SLC2A5: variants seen among roughly 807,000 people sequenced by gnomAD.
SLC2A5 encodes solute carrier family 2, facilitated glucose transporter member 5.
In SLC2A5, 56 loss-of-function variants were observed where a neutral mutation model predicts 50.3. The ratio of observed to expected loss-of-function variants is 1.11; its 90% CI spans 0.90 to 1.39. The LOEUF (loss-of-function observed/expected upper bound fraction) is 1.39, where lower values mean the gene tolerates loss of function less well. Ranked by LOEUF, SLC2A5 falls within the 40% of genes most tolerant of loss-of-function variation. SLC2A5 has a pLI of 0.00. For missense variants in SLC2A5, 566 were observed against 650.1 expected, an observed-to-expected ratio of 0.87 and a Z score of 1.41; for synonymous variants, 269 against 281.9, an observed-to-expected ratio of 0.95 and a Z score of 0.46.
chr1:9,086,508 C>T (rs1051943859), intron 1 of SLC2A5, among the ~76,000 whole-genome samples: 1 of 152,000 alleles, frequency 6.6e-6, no homozygotes, highest in Non-Finnish European at 1.5e-5. Context: ...CCTACCTCAG[C>T]CTCCTGAGCA....
Position 9,039,854 on chromosome 1 carries a change from C to T in SLC2A5, c.831G>A (p.Gln277=). 1 of 1,611,080 alleles carries T rather than the reference C, an allele frequency of 6.2e-7. No individual in the cohort carries two copies. Among genetic ancestry groups the T allele is most frequent in the South Asian group, 1.1e-5 (1 of 90,888 alleles). Residue 277 remains glutamine, a synonymous_variant, in exon 7 of 12, where the codon CAG becomes CAA. Transcript: ENST00000377424. The part of the protein sequence containing the change: ...KLFRMRSLRW[Q]LLSIIVLMGG... ...CCATGAGGACGATGATGGACAGCAG[C>T]TGCCAGCGCAGCGAGCGCATCCGGA...
At chr1:9,092,804 C>T (rs1642472675), upstream of SLC2A5, among the ~76,000 whole-genome samples, 1 of 152,116 alleles carries the variant, frequency 6.6e-6, no homozygotes. Context: ...CTACAAATCA[C>T]CTGGAAGCTA....
chr1:9,049,877 C>G (rs1156804831), intron 3 of SLC2A5, among the ~76,000 whole-genome samples: 1 of 152,052 alleles, frequency 6.6e-6, no homozygotes, highest in Admixed American at 6.6e-5. Flanking sequence ...GTGCTCATGC[C>G]CGTAATCTCA....
chr1:9,045,762 C>G (rs12137228), intron 4 of SLC2A5, among the ~76,000 whole-genome samples: 23,996 of 150,962 alleles, frequency 0.16, 2,337 homozygotes, highest in Admixed American at 0.24. Flanking sequence ...CCCAGCTACT[C>G]AGGAGGCTGA....
At chr1:9,079,123 G>C (rs968838193) in intron 2 of SLC2A5, among the ~76,000 whole-genome samples, 1 of 152,054 alleles carries the variant, frequency 6.6e-6, no homozygotes, top group African/African-American at 2.4e-5. Flanking sequence ...CTGCAGGGAG[G>C]GTCCAGAAAA....
At chr1:9,046,415 G>GA (rs1388949244) in intron 4 of SLC2A5, among the ~76,000 whole-genome samples, 1 of 152,122 alleles carries the variant, frequency 6.6e-6, no homozygotes, top group Non-Finnish European at 1.5e-5. Flanking sequence ...GTGGGATTAG[G>GA]AAAAAACACC....
chr1:9,079,214 T>C (rs1557685266), intron 2 of SLC2A5, among the ~76,000 whole-genome samples: 1 of 152,148 alleles, frequency 6.6e-6, no homozygotes, highest in Non-Finnish European at 1.5e-5. Flanking sequence ...AAGCTCCTAC[T>C]AGATGTCCCC....
intron 9 of SLC2A5, 37 bp downstream of exon 9, chr1:9,038,791 G>A: frequency 6.5e-7 from 1 of 1,532,642 alleles, no homozygotes; most frequent in South Asian, 1.2e-5. Flanking sequence ...TCTTCCTGGT[G>A]CAGCTCCGGG....
At chr1:9,042,465 GGTGT>G (rs1007201719) in intron 4 of SLC2A5, among the ~76,000 whole-genome samples, 1 of 151,388 alleles carries the variant, frequency 6.6e-6, no homozygotes, top group African/African-American at 2.4e-5. Context: ...ATTTACATAT[GGTGT>G]GTATGTCTGT....
intron 2 of SLC2A5, 46 bp downstream of exon 2, chr1:9,058,106 C>T (rs905612461): frequency 9.0e-6 from 13 of 1,444,316 alleles, no homozygotes; most frequent in Non-Finnish European, 1.3e-5. Context: ...AGGCAATGGG[C>T]TGCTCCAAAC....
chr1:9,077,296 G>A (rs1642294780), intron 2 of SLC2A5, among the ~76,000 whole-genome samples: 3 of 151,392 alleles, frequency 2.0e-5, no homozygotes, highest in African/African-American at 7.3e-5. Context: ...CCACTTGGGA[G>A]GCTAGAGTGG....
chr1:9,041,188 T>G (rs1212506379), intron 5 of SLC2A5: 1 of 391,986 alleles, frequency 2.6e-6, no homozygotes, highest in Non-Finnish European at 4.5e-6. Context: ...GCTGACGGGA[T>G]GACTGATGAT....
intron 3 of SLC2A5, among the ~76,000 whole-genome samples, chr1:9,053,095 T>C (rs1431839325): frequency 3.5e-5 from 4 of 114,516 alleles, no homozygotes; most frequent in African/African-American, 1.4e-4. Context: ...ATATAATATA[T>C]ATTTATATAT....
intron 2 of SLC2A5, among the ~76,000 whole-genome samples, chr1:9,077,651 A>G (rs1256360674): frequency 1.3e-5 from 2 of 149,546 alleles, no homozygotes; most frequent in African/African-American, 2.5e-5. Flanking sequence ...GCTACTCGGG[A>G]GGCTGAGGCG....
At chr1:9,044,608 A>T (rs1641393274) in intron 4 of SLC2A5, among the ~76,000 whole-genome samples, 1 of 151,992 alleles carries the variant, frequency 6.6e-6, no homozygotes, top group South Asian at 2.1e-4. Flanking sequence ...AGGCTGGAGT[A>T]CAGTGGCACG....
Position 9,059,536 on chromosome 1 carries a change from C to CTTTTTTTTTTT in SLC2A5, c.34-1297_34-1287dup, listed in dbSNP as rs58395185. On this transcript the variant is annotated intron_variant, in intron 1 of 11. Transcript: ENST00000377424. ...CACGGTATCTAAATCTACAGAGAAT[C>CTTTTTTTTTTT]TTTTTTTTTTTTTTTTTTCTGAGAC... 3.0e-4 allele frequency among the ~76,000 whole-genome samples: 30 copies of CTTTTTTTTTTT among 98,386 alleles called. 3 individuals carry two copies. Among genetic ancestry groups the CTTTTTTTTTTT allele is most frequent in the African/African-American group, 6.9e-4 (15 of 21,692 alleles). The allele number at this position is 98,386 out of a possible 152,430, so 64.5% of individuals were successfully genotyped here. A position where few individuals can be genotyped will look rare whatever the true frequency, so the allele number is the denominator to read the frequency against.
intron 3 of SLC2A5, among the ~76,000 whole-genome samples, chr1:9,052,638 C>T (rs1641607359): frequency 6.6e-6 from 1 of 152,134 alleles, no homozygotes; most frequent in African/African-American, 2.4e-5. Context: ...AAGGGGGAGA[C>T]TATGCATGTA....
chr1:9,044,056 C>T (rs1409633103), intron 4 of SLC2A5, among the ~76,000 whole-genome samples: 1 of 151,654 alleles, frequency 6.6e-6, no homozygotes, highest in Non-Finnish European at 1.5e-5. Context: ...CTGCTGGACA[C>T]TGTAGCTCAC....
At position 9,057,502 on chromosome 1, in the gene SLC2A5, A is replaced by G. The variant is rs2124404804; in HGVS notation, c.239T>C (p.Phe80Ser). ...LWSVTVSMFPFGGFIGSLLVG... is the reference protein window; with the variant it reads ...LWSVTVSMFPSGGFIGSLLVG... ...CAGGAGGGATCCGATAAACCCTCCA[A>G]ATGGAAACATGGACACGGTTACAGA... The change falls in exon 3 of 12, where the codon TTT (phenylalanine) becomes TCT (serine). Residue 80 changes from phenylalanine to serine, a missense_variant. Coordinates refer to ENST00000377424, the MANE Select transcript of SLC2A5 (RefSeq NM_003039.3). 6.2e-7 allele frequency: 1 copy of G among 1,614,024 alleles called. No homozygotes were observed. Among genetic ancestry groups the G allele is most frequent in the Non-Finnish European group, 8.5e-7 (1 of 1,179,980 alleles).
Sources: gnomAD v4.1 joint callset for allele counts (sites outside exome capture counted in the v4.1 genomes callset) on GRCh38, gnomAD v4.1.1 for gene constraint, MANE v1.5 for transcripts, NCBI Gene and HGNC (gene_info 2026-07-23, HGNC 2026-07-21) for gene names.